LRRN1: variants seen among roughly 807,000 people sequenced by gnomAD.
LRRN1 encodes the protein leucine rich repeat neuronal 1, also known as leucine-rich repeat neuronal protein 1.
LRRN1 carries 14 observed loss-of-function variants against 45.8 expected under a neutral mutation model. The ratio of observed to expected loss-of-function variants is 0.31; its 90% CI spans 0.20 to 0.48. The LOEUF is 0.48. Among genes scored for constraint, LRRN1 ranks in the 20% least tolerant of loss-of-function variants. LRRN1 has a pLI of 0.99. For missense variants in LRRN1, 789 were observed against 874.2 expected (o/e 0.90, Z 1.23); for synonymous variants, 359 against 330.1 (o/e 1.09, Z -0.95).
intron 1 of LRRN1, among the ~76,000 whole-genome samples, chr3:3,819,032 C>G (rs940371181): frequency 1.3e-5 from 2 of 151,622 alleles, no homozygotes; most frequent in Non-Finnish European, 2.9e-5. Flanking sequence ...CTCACTCTTT[C>G]ACCCAGACTA....
chr3:3,847,564 G>A lies in LRRN1; in HGVS notation c.*772G>A, dbSNP rs963668632. On this transcript the variant is annotated 3_prime_UTR_variant, in exon 2 of 2. Transcript: ENST00000319331. ...TTTGTTGTGTTTAACTCACCAACACGTGGTGTATAATGAAGACAGAACTAT... is the reference window on the plus strand; with the variant it reads ...TTTGTTGTGTTTAACTCACCAACACATGGTGTATAATGAAGACAGAACTAT... The A allele has an allele frequency of 3.0e-5, 5 of 166,954 alleles. No individual in the cohort carries two copies. Among genetic ancestry groups the A allele is most frequent in the African/African-American group, 9.7e-5 (4 of 41,420 alleles). 10.3% of individuals were successfully genotyped at this position (166,954 alleles called of 1,614,324 possible).
rs1575305770 is a variant in LRRN1, at chr3:3,845,997, G to T, written c.1356G>T (p.Glu452Asp). 6.2e-7 allele frequency: 1 copy of T among 1,613,944 alleles called. No homozygotes were observed. Among genetic ancestry groups the T allele is most frequent in the South Asian group, 1.1e-5 (1 of 91,084 alleles). Residue 452 changes from glutamate to aspartate, a missense_variant, in exon 2 of 2, where the codon GAG becomes GAT. By Grantham distance (45) the Glu-to-Asp change is conservative. Coordinates refer to ENST00000319331, the MANE Select transcript of LRRN1 (RefSeq NM_020873.7). This position sits in a 1 kb window ranked among gnomAD's most constrained non-coding sequence, Gnocchi z 6.5. Reference sequence around the variant, plus strand: ...TCCTAGACTGTCGAGCCATGGCTGAGCCAGAACCTGAAATTTACTGGGTCA... The same window carrying T: ...TCCTAGACTGTCGAGCCATGGCTGATCCAGAACCTGAAATTTACTGGGTCA... ...TVFLDCRAMA[E>D]PEPEIYWVTP...
At position 3,841,216 on chromosome 3, in the gene LRRN1, G is replaced by A. The variant is rs556235567; in HGVS notation, c.-278-3148G>A. ...TAAGGCAGGAGAATTGCTTAAACCC[G>A]GGAGGCAGAGGTTGCAGTGAGCCGA... On this transcript the variant is annotated intron_variant, in intron 1 of 1. Coordinates refer to ENST00000319331, the MANE Select transcript of LRRN1 (RefSeq NM_020873.7). Among the ~76,000 whole-genome samples, 45 of 150,858 alleles carry A rather than the reference G, an allele frequency of 3.0e-4. No individual in the cohort carries two copies. In the South Asian group the frequency reaches 4.8e-3, roughly 16 times the overall value.
At chr3:3,813,838 G>A (rs1028891890) in intron 1 of LRRN1, among the ~76,000 whole-genome samples, 1 of 152,044 alleles carries the variant, frequency 6.6e-6, no homozygotes, top group African/African-American at 2.4e-5. Flanking sequence ...GAGGGAACCA[G>A]GAGGAGAAGT....
chr3:3,824,439 A>G (rs879895921), intron 1 of LRRN1, among the ~76,000 whole-genome samples: 6 of 152,112 alleles, frequency 3.9e-5, no homozygotes, highest in Admixed American at 2.0e-4. Flanking sequence ...CAACTTATAC[A>G]TGCAATTTGG....
Position 3,844,607 on chromosome 3 carries a change from G to A in LRRN1, c.-35G>A. ...GTGTTCACGTTTTGTTAAAACTTTGGGGTGTCAGGAGTTGAGCTTGCTCAG... is the reference window on the plus strand; with the variant it reads ...GTGTTCACGTTTTGTTAAAACTTTGAGGTGTCAGGAGTTGAGCTTGCTCAG... On this transcript the variant is annotated 5_prime_UTR_variant, in exon 2 of 2. Coordinates refer to ENST00000319331, the MANE Select transcript of LRRN1 (RefSeq NM_020873.7). 1.3e-6 allele frequency: 2 copies of A among 1,526,616 alleles called. No individual in the cohort carries two copies. Among genetic ancestry groups the A allele is most frequent in the East Asian group, 2.3e-5 (1 of 44,182 alleles). The allele number at this position is 1,526,616 out of a possible 1,614,324, so 94.6% of individuals were successfully genotyped here.
At chr3:3,836,759 A>G (rs1693525792) in intron 1 of LRRN1, among the ~76,000 whole-genome samples, 1 of 152,128 alleles carries the variant, frequency 6.6e-6, no homozygotes, top group Admixed American at 6.5e-5. Context: ...GGGTGGTACA[A>G]TTTTAGGGGT....
chr3:3,825,672 A>G (rs1034173292), intron 1 of LRRN1, among the ~76,000 whole-genome samples: 1 of 152,114 alleles, frequency 6.6e-6, no homozygotes, highest in African/African-American at 2.4e-5. Context: ...AACTGGGTCA[A>G]TTTGGATCAC....
At chr3:3,817,942 T>C (rs1693020814) in intron 1 of LRRN1, among the ~76,000 whole-genome samples, 1 of 152,240 alleles carries the variant, frequency 6.6e-6, no homozygotes, top group Non-Finnish European at 1.5e-5. Context: ...ATGGAATTGC[T>C]TGACTTGATC....
chr3:3,829,820 G>C (rs1384271313), intron 1 of LRRN1, among the ~76,000 whole-genome samples: 1 of 152,226 alleles, frequency 6.6e-6, no homozygotes, highest in Non-Finnish European at 1.5e-5. Flanking sequence ...ACTGCATGCA[G>C]GATAGGCAAA....
chr3:3,827,193 C>A (rs1434617810), intron 1 of LRRN1: 1 of 225,160 alleles, frequency 4.4e-6, no homozygotes, highest in Non-Finnish European at 9.1e-6. Flanking sequence ...TTTATAATCT[C>A]CATTTTCTTA....
At chr3:3,810,056 A>G (rs574015870) in intron 1 of LRRN1, among the ~76,000 whole-genome samples, 47 of 152,344 alleles carry the variant, frequency 3.1e-4, no homozygotes, top group African/African-American at 1.1e-3. Flanking sequence ...TTGTCTAGAC[A>G]TGAGAAATAT....
At position 3,839,342 on chromosome 3, in the gene LRRN1, T is replaced by C. The variant is rs1472055297; in HGVS notation, c.-278-5022T>C. On this transcript the variant is annotated intron_variant, in intron 1 of 1. Transcript: ENST00000319331. The stretch of plus-strand genomic sequence containing the variant: ...GGCTTTATTTCTGGACTCTGTTCCA[T>C]TGGTCTGTATGTCTGCCTTTATGTC... 1.3e-5 allele frequency among the ~76,000 whole-genome samples: 2 copies of C among 152,156 alleles called. 1 individual carries two copies. Among genetic ancestry groups the C allele is most frequent in the East Asian group, 3.9e-4 (2 of 5,190 alleles).
At chr3:3,842,251 G>A (rs1208837856) in intron 1 of LRRN1, among the ~76,000 whole-genome samples, 1 of 151,800 alleles carries the variant, frequency 6.6e-6, no homozygotes, top group Admixed American at 6.6e-5. Flanking sequence ...CATAATAAAT[G>A]GTAAAGTAAC....
At position 3,828,671 on chromosome 3, in the gene LRRN1, G is replaced by A. The variant is rs114271062; in HGVS notation, c.-278-15693G>A. ...TAACATAACTATCCTTCCCACAACCGGAAACACACTAATCCCCAACCCAAA... is the reference window on the plus strand; with the variant it reads ...TAACATAACTATCCTTCCCACAACCAGAAACACACTAATCCCCAACCCAAA... On this transcript the variant is annotated intron_variant, in intron 1 of 1. Transcript: ENST00000319331. Among the ~76,000 whole-genome samples, 339 of 152,018 alleles carry A rather than the reference G, an allele frequency of 2.2e-3. 3 individuals carry two copies. Among genetic ancestry groups the A allele is most frequent in the African/African-American group, 7.4e-3 (305 of 41,444 alleles).
In LRRN1 at chr3:3,844,473, G is replaced by A; in HGVS notation, c.-169G>A. 1 of 584,316 alleles carries A rather than the reference G, an allele frequency of 1.7e-6. No homozygotes were observed. The highest frequency in any genetic ancestry group is 3.0e-6 in the Non-Finnish European group (1 of 337,092). The allele number at this position is 584,316 out of a possible 1,614,324, so 36.2% of individuals were successfully genotyped here. Reference sequence around the variant, plus strand: ...GACTCCAAGTTGCTTTCTGCCTTTTGAAAACTCCTGAAAACCATCCCTTTG... The same window carrying A: ...GACTCCAAGTTGCTTTCTGCCTTTTAAAAACTCCTGAAAACCATCCCTTTG... On this transcript the variant is annotated 5_prime_UTR_variant, in exon 2 of 2. Transcript: ENST00000319331.
intron 1 of LRRN1, among the ~76,000 whole-genome samples, chr3:3,821,137 C>G (rs1054455248): frequency 2.0e-5 from 3 of 152,190 alleles, no homozygotes; most frequent in African/African-American, 7.2e-5. Flanking sequence ...TCCCTTAAAA[C>G]GATCTCCAGA....
At chr3:3,839,617 G>C (rs903248912) in intron 1 of LRRN1, among the ~76,000 whole-genome samples, 1 of 152,016 alleles carries the variant, frequency 6.6e-6, no homozygotes, top group South Asian at 2.1e-4. Context: ...ATAAACATGG[G>C]ATGTTTCATC....
Position 3,822,330 on chromosome 3 carries a change from TA to T in LRRN1, c.-278-22028del, listed in dbSNP as rs533177556. Among the ~76,000 whole-genome samples, 4 of 152,324 alleles carry T rather than the reference TA, an allele frequency of 2.6e-5. No homozygotes were observed. In the South Asian group the frequency reaches 8.3e-4, roughly 32 times the overall value. On this transcript the variant is annotated intron_variant, in intron 1 of 1. Transcript: ENST00000319331. ...CTACCCTGCAATTAACATTAAGATGTAAAAAATTAGGTGTCTGCAAGGTTAG... is the reference window on the plus strand; with the variant it reads ...CTACCCTGCAATTAACATTAAGATGTAAAAATTAGGTGTCTGCAAGGTTAG...
Sources: gnomAD v4.1 joint callset for allele counts (sites outside exome capture counted in the v4.1 genomes callset) on GRCh38, gnomAD v4.1.1 for gene constraint, Gnocchi (gnomAD v3.1) non-coding constraint, MANE v1.5 for transcripts, NCBI Gene and HGNC (gene_info 2026-07-23, HGNC 2026-07-21) for gene names.